ATIC: variants seen among roughly 807,000 people sequenced by gnomAD.
ATIC encodes bifunctional purine biosynthesis protein ATIC.
Under a neutral mutation model 72.5 loss-of-function variants are expected in ATIC, and 64 were observed. That is an observed-to-expected ratio of 0.88 (90% CI 0.72 to 1.09). ATIC has a LOEUF of 1.09. Among genes scored for constraint, ATIC ranks in the 50% least tolerant of loss-of-function variants. The probability of loss-of-function intolerance (pLI) is 0.00; values close to 1 mark genes in which losing one functional copy is unlikely to be tolerated. For missense variants in ATIC, 787 were observed against 732.4 expected, an observed-to-expected ratio of 1.07 and a Z score of -0.86; for synonymous variants, 281 against 267.1, an observed-to-expected ratio of 1.05 and a Z score of -0.51.
At chr2:215,339,789 A>T (rs565923721) in intron 12 of ATIC, among the ~76,000 whole-genome samples, 2 of 151,456 alleles carry the variant, frequency 1.3e-5, no homozygotes, top group South Asian at 2.1e-4. Flanking sequence ...CGCCCGCCAC[A>T]ACGCCTGGCT....
At chr2:215,343,469 TGG>T (rs1248145689) in intron 12 of ATIC, among the ~76,000 whole-genome samples, 1 of 152,150 alleles carries the variant, frequency 6.6e-6, no homozygotes, top group African/African-American at 2.4e-5. Flanking sequence ...CCCAAGTAGC[TGG>T]GATTACAGGA....
At position 215,327,002 on chromosome 2, in the gene ATIC, A is replaced by G. The variant is rs1575117409; in HGVS notation, c.688+24A>G. ...AGGTAAAGCCCGAGCGTTCTGTGGCATGGTTTGCTGTGCCTGGAGAGTGTG... is the reference window on the plus strand; with the variant it reads ...AGGTAAAGCCCGAGCGTTCTGTGGCGTGGTTTGCTGTGCCTGGAGAGTGTG... On this transcript the variant is annotated intron_variant, in intron 7 of 15. Transcript: ENST00000236959. 3.7e-6 allele frequency: 6 copies of G among 1,613,970 alleles called. No homozygotes were observed. In the East Asian group the frequency reaches 1.3e-4, roughly 36 times the overall value.
chr2:215,341,459 G>A (rs191318667), intron 12 of ATIC, among the ~76,000 whole-genome samples: 186 of 152,240 alleles, frequency 1.2e-3, no homozygotes, highest in African/African-American at 4.1e-3. Flanking sequence ...GATCTTAATC[G>A]TTTATCTAAA....
intron 8 of ATIC, among the ~76,000 whole-genome samples, 197 bp from the exon 9 acceptor site, chr2:215,333,153 G>A (rs73089311): frequency 0.035 from 5,255 of 152,238 alleles, 288 homozygotes; most frequent in African/African-American, 0.12. Flanking sequence ...GGGCAGAGAG[G>A]AGATTTCCCT....
intron 11 of ATIC, among the ~76,000 whole-genome samples, chr2:215,336,921 G>A (rs1575122046): frequency 6.6e-6 from 1 of 152,152 alleles, no homozygotes; most frequent in Non-Finnish European, 1.5e-5. Flanking sequence ...CAGCATTGTG[G>A]TTTTATACTT....
At chr2:215,331,216 CTT>C (rs1352459269) in intron 7 of ATIC, among the ~76,000 whole-genome samples, 6 of 151,930 alleles carry the variant, frequency 3.9e-5, no homozygotes, top group African/African-American at 1.4e-4. Context: ...AGGACAGTGA[CTT>C]TTTTTTAAGA....
the ATIC span, chr2:215,361,793 G>C: frequency 2.0e-6 from 1 of 496,388 alleles, no homozygotes; most frequent in African/African-American, 2.1e-5. Context: ...AGATGTTCAA[G>C]AGTTACATAA....
rs756977049 is a variant in ATIC, at chr2:215,312,636, C to T, written c.146+12C>T. 1 of 1,614,120 alleles carries T rather than the reference C, an allele frequency of 6.2e-7. No individual in the cohort carries two copies. Among genetic ancestry groups the T allele is most frequent in the South Asian group, 1.1e-5 (1 of 91,076 alleles). On this transcript the variant is annotated intron_variant, in intron 2 of 15. Transcript: ENST00000236959. Reference sequence around the variant, plus strand: ...GGTCTGGCAGTCAGGTAAGGCATAGCTAGTTCCATCAGAAAGGAGTGTGAT... The same window carrying T: ...GGTCTGGCAGTCAGGTAAGGCATAGTTAGTTCCATCAGAAAGGAGTGTGAT...
At chr2:215,361,447 G>C in the ATIC span, 2 of 852,762 alleles carry the variant, frequency 2.3e-6, no homozygotes, top group South Asian at 2.7e-5. Context: ...CCAGAGCAAA[G>C]GGCTTAAGAA....
chr2:215,320,399 G>T lies in ATIC; in HGVS notation c.290+668G>T, dbSNP rs567515491. Among the ~76,000 whole-genome samples, 11 of 152,210 alleles carry T rather than the reference G, an allele frequency of 7.2e-5. No individual in the cohort carries two copies. In the East Asian group the frequency reaches 1.9e-3, roughly 27 times the overall value. ...TATGAAAACAGGTTTATTTTGGCTC[G>T]TGATTCTATAGACAGTACAAGAAGT... On this transcript the variant is annotated intron_variant, in intron 4 of 15. Transcript: ENST00000236959.
chr2:215,312,654 A>T (rs755652309), intron 2 of ATIC, 30 bp downstream of exon 2: 5 of 1,614,080 alleles, frequency 3.1e-6, no homozygotes, highest in Non-Finnish European at 4.2e-6. Context: ...ATCAGAAAGG[A>T]GTGTGATCAC....
chr2:215,358,940 T>C, the ATIC span, among the ~76,000 whole-genome samples: 1 of 152,218 alleles, frequency 6.6e-6, no homozygotes, highest in Non-Finnish European at 1.5e-5. Context: ...TGGAGTGCAA[T>C]AGCACAATCT....
intron 4 of ATIC, among the ~76,000 whole-genome samples, chr2:215,321,552 G>A (rs1024782190): frequency 7.2e-5 from 11 of 152,166 alleles, no homozygotes; most frequent in Non-Finnish European, 1.5e-4. Context: ...GAGGAACTGC[G>A]ACCCTGTATT....
chr2:215,342,083 T>A (rs2053025582), intron 12 of ATIC, among the ~76,000 whole-genome samples: 1 of 152,188 alleles, frequency 6.6e-6, no homozygotes, highest in South Asian at 2.1e-4. Flanking sequence ...CATGATCCAG[T>A]TACCTCCACC....
At chr2:215,354,011 C>G (rs1396265532), downstream of ATIC, among the ~76,000 whole-genome samples, 1 of 151,916 alleles carries the variant, frequency 6.6e-6, no homozygotes, top group Non-Finnish European at 1.5e-5. Context: ...CAATCTGGTT[C>G]TTGTTCCTTG....
Position 215,312,611 on chromosome 2 carries a change from G to A in ATIC, c.133G>A (p.Gly45Ser), listed in dbSNP as rs2052666197. The A allele has an allele frequency of 2.5e-6, 4 of 1,614,178 alleles. 1 individual carries two copies. In the Middle Eastern group the frequency reaches 6.6e-4, roughly 266 times the overall value. ...GACTGCAAAAGCTCTCAGGGATGCT[G>A]GTCTGGCAGTCAGGTAAGGCATAGC... ...GGTAKALRDA[G>S]LAVRDVSELT... Residue 45 changes from glycine (G) to serine (S), a missense_variant, in exon 2 of 16, where the codon GGT becomes AGT. Physicochemically the swap from Gly to Ser is moderately conservative, Grantham distance 56. Coordinates refer to ENST00000236959, the MANE Select transcript of ATIC (RefSeq NM_004044.7).
rs967906670 is a variant in ATIC at position 215,312,133 on chromosome 2, G to T, written c.-10G>T. Reference sequence around the variant, plus strand: ...GCCTCCCGCTCGCCCTGAACCCAGTGCCTGCAGCCATGGCTCCCGGCCAGC... The same window carrying T: ...GCCTCCCGCTCGCCCTGAACCCAGTTCCTGCAGCCATGGCTCCCGGCCAGC... On this transcript the variant is annotated 5_prime_UTR_variant, in exon 1 of 16. Coordinates refer to ENST00000236959, the MANE Select transcript of ATIC (RefSeq NM_004044.7). 11 of 1,527,794 alleles carry T rather than the reference G, an allele frequency of 7.2e-6. No individual in the cohort carries two copies. The highest frequency in any genetic ancestry group is 2.8e-5 in the African/African-American group (2 of 71,786). The allele number at this position is 1,527,794 out of a possible 1,614,324, so 94.6% of individuals were successfully genotyped here. A position where few individuals can be genotyped will look rare whatever the true frequency, so the allele number is the denominator to read the frequency against.
At chr2:215,341,236 T>C (rs980319095) in intron 12 of ATIC, among the ~76,000 whole-genome samples, 2 of 152,228 alleles carry the variant, frequency 1.3e-5, no homozygotes, top group African/African-American at 2.4e-5. Context: ...CATAGAAATA[T>C]CTTTCAGCCC....
chr2:215,328,049 T>A (rs554926671), intron 7 of ATIC, among the ~76,000 whole-genome samples: 2 of 151,966 alleles, frequency 1.3e-5, no homozygotes, highest in South Asian at 4.2e-4. Flanking sequence ...AGTTTTTCTG[T>A]TTTTAGTAGA....
Sources: allele counts gnomAD v4.1 joint callset (sites outside exome capture counted in the v4.1 genomes callset), GRCh38; gene constraint gnomAD v4.1.1; transcripts MANE v1.5; gene names NCBI Gene and HGNC (gene_info 2026-07-23, HGNC 2026-07-21).